Variants in DPF3 observed in about 807,000 individuals in gnomAD.
The protein encoded by DPF3 is double PHD fingers 3.
DPF3 carries 18 observed loss-of-function variants against 56.8 expected under a neutral mutation model. The observed-to-expected ratio is 0.32, with a 90% CI of 0.22 to 0.47. DPF3 has a LOEUF of 0.47. Ranked by LOEUF, DPF3 falls within the 20% of genes least tolerant of loss-of-function variation. DPF3 has a pLI of 1.00. For synonymous variants in DPF3, 188 were observed against 180.2 expected, an observed-to-expected ratio of 1.04 and a Z score of -0.35; for missense variants, 403 against 488.8, an observed-to-expected ratio of 0.82 and a Z score of 1.65.
chr14:72,617,113 G>A lies in DPF3; in HGVS notation c.*2184C>T, dbSNP rs1402894452. Among the ~76,000 whole-genome samples, 1 of 152,212 alleles carries A rather than the reference G, an allele frequency of 6.6e-6. No homozygotes were observed. Among genetic ancestry groups the A allele is most frequent in the African/African-American group, 2.4e-5 (1 of 41,450 alleles). On this transcript the variant is annotated 3_prime_UTR_variant, in exon 11 of 11. Transcript: ENST00000556509. ...CTGAGGCTCAGCTTGTGTAGGCAGA[G>A]CAGACATGGGGCTGAGATCGAACAG...
intron 7 of DPF3, chr14:72,675,462 C>A (rs986214037): frequency 2.0e-5 from 3 of 152,254 alleles, no homozygotes; most frequent in African/African-American, 7.2e-5. Flanking sequence ...CCAGTGTCTG[C>A]TGCTGCCTTT....
intron 1 of DPF3, among the ~76,000 whole-genome samples, chr14:72,784,007 G>T (rs571203967): frequency 6.6e-6 from 1 of 152,158 alleles, no homozygotes; most frequent in Non-Finnish European, 1.5e-5. Context: ...TCCTGACCTC[G>T]CTTGGGGGCC....
At chr14:72,717,000 G>A (rs1888960073) in intron 5 of DPF3, among the ~76,000 whole-genome samples, 1 of 152,140 alleles carries the variant, frequency 6.6e-6, no homozygotes, top group South Asian at 2.1e-4. Flanking sequence ...CAGACCATTA[G>A]ACAAAGGGAT....
intron 1 of DPF3, among the ~76,000 whole-genome samples, chr14:72,856,156 G>A (rs897749426): frequency 6.6e-6 from 1 of 152,198 alleles, no homozygotes; most frequent in African/African-American, 2.4e-5. Context: ...ACAAGGAGGA[G>A]GAGGATGTCT....
At chr14:72,871,093 T>C (rs894192587) in intron 1 of DPF3, among the ~76,000 whole-genome samples, 3 of 152,144 alleles carry the variant, frequency 2.0e-5, no homozygotes, top group African/African-American at 7.2e-5. Flanking sequence ...ACCCGTCAGA[T>C]CTTGTAAGAC....
At chr14:72,661,612 C>G in intron 8 of DPF3, 1 of 985,488 alleles carries the variant, frequency 1.0e-6, no homozygotes, top group Non-Finnish European at 1.2e-6. Context: ...TCGGCCAAAA[C>G]GCCCACTTCC....
At chr14:72,628,372 G>A (rs1599314556) in intron 9 of DPF3, among the ~76,000 whole-genome samples, 1 of 142,836 alleles carries the variant, frequency 7.0e-6, no homozygotes, top group Non-Finnish European at 1.6e-5. Context: ...AAAGAATCAA[G>A]CATTTTTTTC....
Position 72,612,246 on chromosome 14 carries a change from C to T in DPF3, c.*7051G>A, listed in dbSNP as rs1883770042. ...AATGCCCCCTAAGCATCTGACCATT[C>T]ATTGCAAAAGCATGACCCATCTGCT... On this transcript the variant is annotated 3_prime_UTR_variant, in exon 11 of 11. Coordinates refer to ENST00000556509, the MANE Select transcript of DPF3 (RefSeq NM_001280542.3). 6.6e-6 allele frequency among the ~76,000 whole-genome samples: 1 copy of T among 152,192 alleles called. No homozygotes were observed.
intron 5 of DPF3, among the ~76,000 whole-genome samples, chr14:72,721,463 G>A (rs903493176): frequency 6.6e-6 from 1 of 152,126 alleles, no homozygotes; most frequent in Non-Finnish European, 1.5e-5. Flanking sequence ...AAGCTCAAAA[G>A]TCTCCTTTAA....
intron 2 of DPF3, among the ~76,000 whole-genome samples, chr14:72,768,932 T>C (rs1212378894): frequency 9.4e-6 from 1 of 106,440 alleles, no homozygotes; most frequent in African/African-American, 4.0e-5. Context: ...TGTGTGAGTG[T>C]CTGTGTGTGT....
chr14:72,652,048 A>T (rs771924935), intron 8 of DPF3, among the ~76,000 whole-genome samples: 39 of 152,212 alleles, frequency 2.6e-4, no homozygotes, highest in Non-Finnish European at 5.0e-4. Flanking sequence ...AAACTTTCTC[A>T]ACCCCAGTTC....
chr14:72,658,700 C>T (rs557246213), intron 8 of DPF3, among the ~76,000 whole-genome samples: 1 of 152,218 alleles, frequency 6.6e-6, no homozygotes, highest in Non-Finnish European at 1.5e-5. Flanking sequence ...AGAGACCAAC[C>T]CAGGGACCCA....
chr14:72,845,561 T>C (rs1295208596), intron 1 of DPF3, among the ~76,000 whole-genome samples: 4 of 152,246 alleles, frequency 2.6e-5, no homozygotes, highest in African/African-American at 9.6e-5. Flanking sequence ...CTCCCACGTC[T>C]GTCCCATTTC....
At chr14:72,839,296 AG>A (rs1884452169) in intron 1 of DPF3, among the ~76,000 whole-genome samples, 1 of 152,108 alleles carries the variant, frequency 6.6e-6, no homozygotes, top group Admixed American at 6.5e-5. Context: ...AGCCTAAAAG[AG>A]GGACTCCCAA....
At chr14:72,631,323 A>T (rs527352901) in intron 8 of DPF3, among the ~76,000 whole-genome samples, 1 of 152,336 alleles carries the variant, frequency 6.6e-6, no homozygotes, top group East Asian at 1.9e-4. Flanking sequence ...GCCCCAAAGA[A>T]AAAGAAGCCT....
At chr14:72,852,731 G>A (rs977548773) in intron 1 of DPF3, among the ~76,000 whole-genome samples, 1 of 152,092 alleles carries the variant, frequency 6.6e-6, no homozygotes, top group East Asian at 1.9e-4. Flanking sequence ...CACTCACATC[G>A]TCCGTGTTGA....
chr14:72,638,716 T>C (rs1363848227), intron 8 of DPF3, among the ~76,000 whole-genome samples: 1 of 152,168 alleles, frequency 6.6e-6, no homozygotes, highest in Non-Finnish European at 1.5e-5. Flanking sequence ...AAGGAAAAAA[T>C]GCTTTCCTAT....
At chr14:72,829,007 A>G (rs188907305) in intron 1 of DPF3, among the ~76,000 whole-genome samples, 1 of 152,308 alleles carries the variant, frequency 6.6e-6, no homozygotes. Context: ...CTCGTCCAAT[A>G]TAGGAGACCA....
intron 1 of DPF3, among the ~76,000 whole-genome samples, chr14:72,780,393 A>G (rs943138279): frequency 6.6e-6 from 1 of 152,202 alleles, no homozygotes; most frequent in African/African-American, 2.4e-5. Context: ...AAGTATCTTA[A>G]AGACAGGAAC....
Sources: gnomAD v4.1 joint callset for allele counts (sites outside exome capture counted in the v4.1 genomes callset) on GRCh38, gnomAD v4.1.1 for gene constraint, MANE v1.5 for transcripts, NCBI Gene and HGNC (gene_info 2026-07-23, HGNC 2026-07-21) for gene names.